The following XYLT1 variants were observed in gnomAD, a reference collection of about 807,000 sequenced individuals.
The protein encoded by XYLT1 is xylosyltransferase 1.
Under a neutral mutation model 91.3 loss-of-function variants are expected in XYLT1, and 36 were observed. The observed-to-expected ratio is 0.39, with a 90% CI of 0.30 to 0.52. The LOEUF (loss-of-function observed/expected upper bound fraction) is 0.52. XYLT1 is among the 20% of genes least tolerant of loss of function. XYLT1 has a pLI of 0.68. For missense variants in XYLT1, 1,242 were observed against 1,284.5 expected (o/e 0.97, Z 0.51); for synonymous variants, 588 against 532.0 (o/e 1.11, Z -1.45).
chr16:17,429,705 A>G (rs1006347811), intron 1 of XYLT1, among the ~76,000 whole-genome samples: 2 of 152,196 alleles, frequency 1.3e-5, no homozygotes, highest in Admixed American at 6.5e-5. Flanking sequence ...GAGGGCCCAC[A>G]AAGAGGGAGA....
In XYLT1 at chr16:17,258,860, G is replaced by T. The variant is rs1041730495; in HGVS notation, c.913+128C>A. ...TACTAGAACACATCAGATCTCGTGTGCTCATCTGGGGTTTGGAAAACAGGG... is the reference window on the plus strand; with the variant it reads ...TACTAGAACACATCAGATCTCGTGTTCTCATCTGGGGTTTGGAAAACAGGG... On this transcript the variant is annotated intron_variant, in intron 3 of 11. Coordinates refer to ENST00000261381, the MANE Select transcript of XYLT1 (RefSeq NM_022166.4). The T allele has an allele frequency of 3.4e-6, 4 of 1,162,484 alleles. No homozygotes were observed. In the Admixed American group the frequency reaches 1.0e-4, roughly 30 times the overall value. The allele number at this position is 1,162,484 out of a possible 1,614,324, so 72.0% of individuals were successfully genotyped here. A position where few individuals can be genotyped will look rare whatever the true frequency, so the allele number is the denominator to read the frequency against.
chr16:17,281,582 C>T (rs1239418520), intron 2 of XYLT1, among the ~76,000 whole-genome samples: 1 of 152,192 alleles, frequency 6.6e-6, no homozygotes, highest in Non-Finnish European at 1.5e-5. Flanking sequence ...CCTGGCTAGA[C>T]CAAGTTGCCT....
intron 2 of XYLT1, among the ~76,000 whole-genome samples, chr16:17,337,425 T>C (rs1344147636): frequency 6.6e-6 from 1 of 152,144 alleles, no homozygotes; most frequent in African/African-American, 2.4e-5. Flanking sequence ...GCTCAAGCGA[T>C]TGGCCAGCCT....
At chr16:17,315,999 G>A (rs1469089803) in intron 2 of XYLT1, among the ~76,000 whole-genome samples, 1 of 152,104 alleles carries the variant, frequency 6.6e-6, no homozygotes, top group Non-Finnish European at 1.5e-5. Flanking sequence ...AATTGCAGCC[G>A]CACCTGGGTC....
chr16:17,232,863 CCTT>C (rs1297594733), intron 3 of XYLT1, among the ~76,000 whole-genome samples: 2 of 152,034 alleles, frequency 1.3e-5, no homozygotes, highest in Non-Finnish European at 2.9e-5. Context: ...TTTGGACTGT[CCTT>C]CTTGACCTGG....
intron 3 of XYLT1, among the ~76,000 whole-genome samples, chr16:17,204,107 G>A (rs922626980): frequency 1.2e-4 from 18 of 152,210 alleles, no homozygotes; most frequent in African/African-American, 4.8e-5. Context: ...GAGTGTTGCC[G>A]AGTCCAAAGC....
At chr16:17,188,605 C>T (rs1427661570) in intron 5 of XYLT1, among the ~76,000 whole-genome samples, 3 of 152,192 alleles carry the variant, frequency 2.0e-5, no homozygotes, top group African/African-American at 7.2e-5. Flanking sequence ...TGTGAGATTC[C>T]TTTGCAAAGT....
chr16:17,141,684 T>C lies in XYLT1; in HGVS notation c.1371-315A>G, dbSNP rs754989917. ...GTGATCATCTGCTACAGCTACTCCT[T>C]CTCTAGAGAACTTTGGCAACAACCT... On this transcript the variant is annotated intron_variant, in intron 6 of 11. Transcript: ENST00000261381. Among the ~76,000 whole-genome samples, 30 of 152,218 alleles carry C rather than the reference T, an allele frequency of 2.0e-4. No homozygotes were observed. In the Middle Eastern group the frequency reaches 0.01, roughly 52 times the overall value.
chr16:17,280,188 T>C (rs112767277), intron 2 of XYLT1, among the ~76,000 whole-genome samples: 3,118 of 152,214 alleles, frequency 0.02, 118 homozygotes, highest in African/African-American at 0.07. Context: ...TCGTCTCTAA[T>C]AAAGCTACAA....
At chr16:17,348,163 G>A (rs754725755) in intron 2 of XYLT1, among the ~76,000 whole-genome samples, 12 of 152,092 alleles carry the variant, frequency 7.9e-5, no homozygotes, top group East Asian at 5.8e-4. Flanking sequence ...TGGGGCTTGC[G>A]GGGGAAGAAG....
intron 2 of XYLT1, among the ~76,000 whole-genome samples, chr16:17,265,483 A>G (rs538860249): frequency 6.6e-6 from 1 of 152,210 alleles, no homozygotes; most frequent in Non-Finnish European, 1.5e-5. Flanking sequence ...ATTTTAATGT[A>G]CTTATTACAA....
chr16:17,184,006 C>T (rs1267107517), intron 5 of XYLT1, among the ~76,000 whole-genome samples: 2 of 151,954 alleles, frequency 1.3e-5, no homozygotes, highest in Non-Finnish European at 2.9e-5. Flanking sequence ...AAAGAATCTT[C>T]ACCTGCAGTT....
At chr16:17,302,988 T>A (rs186518045) in intron 2 of XYLT1, among the ~76,000 whole-genome samples, 1 of 151,038 alleles carries the variant, frequency 6.6e-6, no homozygotes, top group Non-Finnish European at 1.5e-5. Context: ...TGGGGTAGGG[T>A]TGGCAGTATG....
At chr16:17,463,307 T>C (rs528248740) in intron 1 of XYLT1, among the ~76,000 whole-genome samples, 1 of 152,258 alleles carries the variant, frequency 6.6e-6, no homozygotes, top group East Asian at 1.9e-4. Context: ...AGAAAATATT[T>C]GCAAACTACC....
chr16:17,409,030 G>T (rs903599644), intron 1 of XYLT1, among the ~76,000 whole-genome samples: 1 of 152,118 alleles, frequency 6.6e-6, no homozygotes, highest in Non-Finnish European at 1.5e-5. Flanking sequence ...ATAATGACAC[G>T]TGTCAAAACC....
chr16:17,274,236 T>C (rs1278526649), intron 2 of XYLT1, among the ~76,000 whole-genome samples: 1 of 152,254 alleles, frequency 6.6e-6, no homozygotes, highest in Non-Finnish European at 1.5e-5. Flanking sequence ...TATAAATTGC[T>C]GTCATATATT....
intron 3 of XYLT1, among the ~76,000 whole-genome samples, chr16:17,244,584 T>C (rs949589411): frequency 2.0e-5 from 3 of 152,204 alleles, no homozygotes; most frequent in African/African-American, 7.2e-5. Context: ...AGATGCTCTG[T>C]AGCAGCCAGT....
chr16:17,340,006 C>T (rs1268384844), intron 2 of XYLT1, among the ~76,000 whole-genome samples: 1 of 151,844 alleles, frequency 6.6e-6, no homozygotes, highest in Admixed American at 6.6e-5. Flanking sequence ...TCCCTCTATC[C>T]ATCCACCCAT....
intron 2 of XYLT1, among the ~76,000 whole-genome samples, chr16:17,272,354 C>T (rs1048847163): frequency 9.9e-5 from 15 of 151,408 alleles, no homozygotes; most frequent in Admixed American, 7.9e-4. Flanking sequence ...AGTAGAGACG[C>T]GGTTTCACCA....
Sources: allele counts gnomAD v4.1 joint callset (sites outside exome capture counted in the v4.1 genomes callset), GRCh38; gene constraint gnomAD v4.1.1; transcripts MANE v1.5; gene names NCBI Gene and HGNC (gene_info 2026-07-23, HGNC 2026-07-21).